Variants in CDK12 observed in about 807,000 individuals in gnomAD.
CDK12 encodes cyclin-dependent kinase 12.
Under a neutral mutation model 133.8 loss-of-function variants are expected in CDK12, and 17 were observed. That is an observed-to-expected ratio of 0.13 (90% CI 0.09 to 0.19). CDK12 has a LOEUF of 0.19. Among genes scored for constraint, CDK12 ranks in the 10% least tolerant of loss-of-function variants. The pLI, the probability that CDK12 is intolerant of heterozygous loss-of-function variation, is 1.00. For missense variants in CDK12, 1,508 were observed against 1,818.7 expected, an observed-to-expected ratio of 0.83 and a Z score of 3.11; for synonymous variants, 694 against 683.6, an observed-to-expected ratio of 1.02 and a Z score of -0.24.
chr17:39,487,960 C>T (rs1467979188), intron 2 of CDK12, among the ~76,000 whole-genome samples: 8 of 151,982 alleles, frequency 5.3e-5, no homozygotes, highest in African/African-American at 1.7e-4. Context: ...TTGAGATAGG[C>T]AAAAAATTGT....
chr17:39,527,344 T>C (rs1053918688), intron 13 of CDK12, among the ~76,000 whole-genome samples: 1 of 152,248 alleles, frequency 6.6e-6, no homozygotes, highest in African/African-American at 2.4e-5. Context: ...AGCTGATGCC[T>C]CTACAGTGGC....
chr17:39,540,714 G>C (rs1395448402), intron 1 of CDK12, among the ~76,000 whole-genome samples: 1 of 152,028 alleles, frequency 6.6e-6, no homozygotes, highest in Non-Finnish European at 1.5e-5. Context: ...CATAAAGTGG[G>C]AGCCCCCATT....
chr17:39,535,402 A>G (rs149063822), downstream of CDK12, among the ~76,000 whole-genome samples: 1,332 of 152,318 alleles, frequency 8.7e-3, 11 homozygotes, highest in Non-Finnish European at 0.016. Flanking sequence ...TGAATCCTCA[A>G]AAGTTTAAGT....
At chr17:39,482,887 CCA>C (rs1314349901) in intron 2 of CDK12, among the ~76,000 whole-genome samples, 5 of 149,856 alleles carry the variant, frequency 3.3e-5, no homozygotes, top group African/African-American at 9.7e-5. Flanking sequence ...CAGGTGAGAG[CCA>C]CTATGCCTGC....
intron 5 of CDK12, among the ~76,000 whole-genome samples, chr17:39,499,684 AT>A (rs1052361005): frequency 6.0e-5 from 8 of 133,420 alleles, no homozygotes; most frequent in African/African-American, 1.7e-4. Flanking sequence ...TAATTTTTGT[AT>A]TTTTTTTTAG....
chr17:39,515,610 G>T, intron 8 of CDK12, 121 bp from the exon 9 acceptor site: 1 of 618,856 alleles, frequency 1.6e-6, no homozygotes. Context: ...CTCAGACACT[G>T]AAATTTGGGG....
Position 39,471,300 on chromosome 17 carries a change from C to T in CDK12, c.1468C>T (p.His490Tyr), listed in dbSNP as rs760101107. The T allele has an allele frequency of 1.9e-6, 3 of 1,613,538 alleles. No homozygotes were observed. The highest frequency in any genetic ancestry group is 2.5e-6 in the Non-Finnish European group (3 of 1,179,660). Reference protein sequence around the residue: ...KVKLDENSEKHLVKDLKAQGT... With the variant: ...KVKLDENSEKYLVKDLKAQGT... ...AAAGTTGGATGAGAACTCCGAGAAG[C>T]ATCTTGTTAAAGATTTGAAAGCACA... is the stretch of plus-strand genomic sequence containing the variant. The change falls in exon 2 of 14, where the codon CAT becomes TAT. Residue 490 changes from histidine (H) to tyrosine (Y), a missense_variant. Coordinates refer to ENST00000447079, the MANE Select transcript of CDK12 (RefSeq NM_016507.4).
chr17:39,553,464 AC>A (rs1170530730), intron 2 of CDK12, among the ~76,000 whole-genome samples: 1 of 152,024 alleles, frequency 6.6e-6, no homozygotes, highest in Admixed American at 6.6e-5. Flanking sequence ...CAGCATTCTT[AC>A]CCCATCCTCT....
chr17:39,477,730 G>T (rs1345750883), intron 2 of CDK12, among the ~76,000 whole-genome samples: 12 of 150,932 alleles, frequency 8.0e-5, no homozygotes, highest in Non-Finnish European at 1.5e-4. Context: ...CTGCCACCAC[G>T]CCCAGCTAAT....
intron 2 of CDK12, among the ~76,000 whole-genome samples, chr17:39,477,286 A>G (rs1227397559): frequency 2.0e-5 from 3 of 151,902 alleles, no homozygotes; most frequent in Non-Finnish European, 4.4e-5. Flanking sequence ...CCCAGGCTGG[A>G]GTGTAGTGGC....
chr17:39,503,839 AAG>A (rs1303208065), intron 6 of CDK12, among the ~76,000 whole-genome samples: 1 of 152,162 alleles, frequency 6.6e-6, no homozygotes, highest in Admixed American at 6.6e-5. Flanking sequence ...AACAGGTGGC[AAG>A]AGAGAGAGAA....
chr17:39,503,492 C>T (rs920203987), intron 6 of CDK12, among the ~76,000 whole-genome samples: 1 of 152,186 alleles, frequency 6.6e-6, no homozygotes, highest in African/African-American at 2.4e-5. Context: ...TAGCTTGCAA[C>T]TTTCTGGCCT....
chr17:39,521,578 G>A (rs1057125247), intron 11 of CDK12, among the ~76,000 whole-genome samples: 59 of 149,362 alleles, frequency 4.0e-4, no homozygotes, highest in Middle Eastern at 3.7e-3. Flanking sequence ...TGTTTTTTCC[G>A]AGACGGAGTC....
intron 2 of CDK12, among the ~76,000 whole-genome samples, chr17:39,486,114 A>G (rs957893591): frequency 2.6e-5 from 4 of 151,242 alleles, no homozygotes; most frequent in African/African-American, 9.7e-5. Flanking sequence ...CACCATGCCC[A>G]GCTAATTTTT....
chr17:39,469,992 G>T (rs1010882810), intron 1 of CDK12, among the ~76,000 whole-genome samples: 2 of 152,082 alleles, frequency 1.3e-5, no homozygotes, highest in African/African-American at 4.8e-5. Context: ...TCAAAATTCT[G>T]AAAGTAATCA....
chr17:39,553,638 A>G (rs563667660), intron 2 of CDK12, among the ~76,000 whole-genome samples: 5 of 152,198 alleles, frequency 3.3e-5, no homozygotes, highest in African/African-American at 9.6e-5. Flanking sequence ...CCATGTGTCT[A>G]TGTTGTGGAT....
intron 8 of CDK12, 149 bp from the exon 9 acceptor site, chr17:39,515,582 A>C: frequency 1.7e-6 from 1 of 595,872 alleles, no homozygotes; most frequent in South Asian, 2.2e-5. Flanking sequence ...ACTGCAAGAA[A>C]TATTTTCTCT....
chr17:39,562,565 C>G (rs1268994225), intron 3 of CDK12, among the ~76,000 whole-genome samples: 2 of 152,134 alleles, frequency 1.3e-5, no homozygotes, highest in East Asian at 3.8e-4. Flanking sequence ...CTGTTTTCCT[C>G]TCTCTCTCAG....
rs552842054 is a variant in CDK12, at chr17:39,531,230, A to T, written c.4387A>T (p.Thr1463Ser). 1 of 1,516,072 alleles carries T rather than the reference A, an allele frequency of 6.6e-7. No individual in the cohort carries two copies. Among genetic ancestry groups the T allele is most frequent in the East Asian group, 2.3e-5 (1 of 43,862 alleles). 93.9% of individuals were successfully genotyped at this position (1,516,072 alleles called of 1,614,324 possible). A position where few individuals can be genotyped will look rare whatever the true frequency, so the allele number is the denominator to read the frequency against. The change falls in exon 14 of 14, where the codon ACT becomes TCT. Residue 1463 changes from threonine (T) to serine (S), a missense_variant. By Grantham distance (58) the Thr-to-Ser change is moderately conservative. Around this residue, in one of 9 missense-constraint regions of CDK12, gnomAD observed 114 missense variants for 101.2 expected, o/e 1.13. Transcript: ENST00000447079. ...SGAGLHWGGP[T>S]QSSAYGKLYR... is the part of the protein sequence containing the mutation. ...AGCAGGCCTTCACTGGGGGGGCCCA[A>T]CTCAGTCTTCTGCTTATGGAAAACT...
Sources: gnomAD v4.1 joint callset for allele counts (sites outside exome capture counted in the v4.1 genomes callset) on GRCh38, gnomAD v4.1.1 for gene constraint, gnomAD v4.1.1 regional missense constraint, MANE v1.5 for transcripts, NCBI Gene and HGNC (gene_info 2026-07-23, HGNC 2026-07-21) for gene names.